The following PIAS2 variants were observed in gnomAD, a reference collection of about 807,000 sequenced individuals.
PIAS2 encodes the protein protein inhibitor of activated STAT 2.
In PIAS2, 19 loss-of-function variants were observed where a neutral mutation model predicts 69.7. That is an observed-to-expected ratio of 0.27 (90% CI 0.19 to 0.40). The LOEUF (loss-of-function observed/expected upper bound fraction) is 0.40. Ranked by LOEUF, PIAS2 falls within the 10% of genes least tolerant of loss-of-function variation. The pLI is 1.00. For synonymous variants in PIAS2, 261 were observed against 263.2 expected, an observed-to-expected ratio of 0.99 and a Z score of 0.08; for missense variants, 624 against 757.0, an observed-to-expected ratio of 0.82 and a Z score of 2.06.
upstream of PIAS2, chr18:46,917,683 C>T: frequency 4.3e-6 from 2 of 468,544 alleles, no homozygotes; most frequent in East Asian, 1.5e-4. Context: ...CCAGGTCGTG[C>T]CTTCCCTCCC....
At chr18:46,852,068 TCAC>T (rs2047049103) in intron 5 of PIAS2, among the ~76,000 whole-genome samples, 2 of 152,168 alleles carry the variant, frequency 1.3e-5, no homozygotes, top group Admixed American at 1.3e-4. Flanking sequence ...TGGCAAGAGC[TCAC>T]TATAACTCCT....
intron 2 of PIAS2, among the ~76,000 whole-genome samples, chr18:46,868,600 G>A (rs1029493208): frequency 6.6e-6 from 1 of 152,196 alleles, no homozygotes; most frequent in Admixed American, 6.5e-5. Flanking sequence ...CAGAACCAGA[G>A]ATTAACCGTG....
intron 1 of PIAS2, among the ~76,000 whole-genome samples, chr18:46,902,957 G>T (rs1303907738): frequency 6.6e-6 from 1 of 152,126 alleles, no homozygotes; most frequent in East Asian, 1.9e-4. Context: ...AATTAACTCA[G>T]TGGAAGAAAG....
chr18:46,915,011 G>A (rs1253100643), intron 1 of PIAS2: 1 of 151,896 alleles, frequency 6.6e-6, no homozygotes, highest in Non-Finnish European at 1.5e-5. Flanking sequence ...CAAGAAGGAT[G>A]TTACCAATCA....
At chr18:46,837,257 C>T (rs72907151) in intron 8 of PIAS2, among the ~76,000 whole-genome samples, 1,571 of 151,912 alleles carry the variant, frequency 0.01, 13 homozygotes, top group Non-Finnish European at 0.017. Context: ...TCCACTCAAC[C>T]TTTTCAATAT....
chr18:46,841,106 A>G (rs1469915188), intron 8 of PIAS2, among the ~76,000 whole-genome samples: 4 of 152,134 alleles, frequency 2.6e-5, no homozygotes, highest in African/African-American at 7.2e-5. Flanking sequence ...TGAAATCACC[A>G]AAGTGAAACT....
In PIAS2 at chr18:46,811,128, A is replaced by T. The variant is rs73953893; in HGVS notation, c.*1305T>A. The T allele has an allele frequency of 6.6e-6, 1 of 152,228 alleles. No homozygotes were observed. Among genetic ancestry groups the T allele is most frequent in the African/African-American group, 2.4e-5 (1 of 41,540 alleles). The allele number at this position is 152,228 out of a possible 1,614,324, so 9.4% of individuals were successfully genotyped here. A position where few individuals can be genotyped will look rare whatever the true frequency, so the allele number is the denominator to read the frequency against. On this transcript the variant is annotated 3_prime_UTR_variant, in exon 14 of 14. Coordinates refer to ENST00000585916, the MANE Select transcript of PIAS2 (RefSeq NM_004671.5). ...CAATAAAACCTCAGAGGTTCCCTGG[A>T]GTGTTTGGGGTAGCATGGATTGAGA...
At chr18:46,870,242 G>A (rs945992092) in intron 2 of PIAS2, among the ~76,000 whole-genome samples, 2 of 152,108 alleles carry the variant, frequency 1.3e-5, no homozygotes, top group Non-Finnish European at 2.9e-5. Context: ...TTTTCCCCTT[G>A]AGGGAAGTGC....
At chr18:46,887,915 G>A (rs1449885412) in intron 2 of PIAS2, among the ~76,000 whole-genome samples, 1 of 152,122 alleles carries the variant, frequency 6.6e-6, no homozygotes, top group Non-Finnish European at 1.5e-5. Flanking sequence ...AGAAAAGAAA[G>A]AAGTAAAATT....
intron 2 of PIAS2, among the ~76,000 whole-genome samples, chr18:46,888,739 A>G (rs890181131): frequency 6.6e-6 from 1 of 152,120 alleles, no homozygotes; most frequent in Non-Finnish European, 1.5e-5. Flanking sequence ...GGGTTCCTGC[A>G]CCTATGAGAA....
rs533673720 is a variant in PIAS2 at position 46,824,166 on chromosome 18, T to G, written c.1509-3094A>C. ...CTAGAATGCTGCTATATAGCAAATA[T>G]TAGTATTCCGGATTATATGCTGGAT... is the stretch of plus-strand genomic sequence containing the variant. On this transcript the variant is annotated intron_variant, in intron 11 of 13. Coordinates refer to ENST00000585916, the MANE Select transcript of PIAS2 (RefSeq NM_004671.5). Among the ~76,000 whole-genome samples, 4 of 152,330 alleles carry G rather than the reference T, an allele frequency of 2.6e-5. No individual in the cohort carries two copies. The South Asian group carries it at 8.3e-4, about 32-fold the overall frequency.
At chr18:46,919,542 G>A (rs1009200420), upstream of PIAS2, among the ~76,000 whole-genome samples, 22 of 151,382 alleles carry the variant, frequency 1.5e-4, no homozygotes, top group African/African-American at 4.4e-4. Context: ...CCAGCTACTC[G>A]TGAGGCTGAG....
intron 2 of PIAS2, among the ~76,000 whole-genome samples, chr18:46,868,344 T>C (rs2049807303): frequency 6.6e-6 from 1 of 152,198 alleles, no homozygotes; most frequent in Non-Finnish European, 1.5e-5. Flanking sequence ...CATCTCTTCC[T>C]TATTTGGAAA....
chr18:46,916,589 A>G (rs2057937654), intron 1 of PIAS2, among the ~76,000 whole-genome samples: 1 of 152,192 alleles, frequency 6.6e-6, no homozygotes, highest in South Asian at 2.1e-4. Context: ...TCTGCTATAC[A>G]AGGGTATCAA....
At chr18:46,857,161 C>T (rs947944805) in intron 3 of PIAS2, among the ~76,000 whole-genome samples, 2 of 152,198 alleles carry the variant, frequency 1.3e-5, no homozygotes, top group Admixed American at 6.5e-5. Context: ...TCTCAAATGG[C>T]TATTCAAAAC....
At chr18:46,914,767 A>G (rs920738026) in intron 1 of PIAS2, among the ~76,000 whole-genome samples, 1 of 152,130 alleles carries the variant, frequency 6.6e-6, no homozygotes, top group Non-Finnish European at 1.5e-5. Context: ...ATCAGCAGCC[A>G]AATATGTGGC....
At chr18:46,812,697 G>T in intron 13 of PIAS2, 85 bp from the exon 14 acceptor site, 3 of 744,904 alleles carry the variant, frequency 4.0e-6, no homozygotes, top group Non-Finnish European at 6.6e-6. Flanking sequence ...ATATGCACAA[G>T]CAATAGTCAC....
At chr18:46,839,857 C>T (rs1342639463) in intron 8 of PIAS2, among the ~76,000 whole-genome samples, 5 of 141,776 alleles carry the variant, frequency 3.5e-5, no homozygotes, top group African/African-American at 5.3e-5. Context: ...AAGAGCAAAA[C>T]TCTGTCAAAA....
intron 1 of PIAS2, chr18:46,916,839 G>A (rs1276131098): frequency 1.0e-6 from 1 of 985,268 alleles, no homozygotes. Flanking sequence ...CTGACTAAAC[G>A]GTAGCATCAG....
Sources: allele counts gnomAD v4.1 joint callset (sites outside exome capture counted in the v4.1 genomes callset), GRCh38; gene constraint gnomAD v4.1.1; transcripts MANE v1.5; gene names NCBI Gene and HGNC (gene_info 2026-07-23, HGNC 2026-07-21).